Variants in STAB2 observed in about 807,000 individuals in gnomAD.
The protein encoded by STAB2 is stabilin-2.
A neutral mutation model predicts 338.1 loss-of-function variants in STAB2; 288 were observed. The observed-to-expected ratio is 0.85, with a 90% CI of 0.77 to 0.94. The LOEUF (loss-of-function observed/expected upper bound fraction) is 0.94, where lower values mean the gene tolerates loss of function less well. STAB2 is among the 40% of genes least tolerant of loss of function. STAB2 has a pLI of 0.00. For missense variants in STAB2, 3,141 were observed against 3,210.1 expected (o/e 0.98, Z 0.52); for synonymous variants, 1,202 against 1,193.3 (o/e 1.01, Z -0.15).
Position 103,668,741 on chromosome 12 carries a change from G to C in STAB2, c.2172+12G>C. 1 of 1,535,476 alleles carries C rather than the reference G, an allele frequency of 6.5e-7. No individual in the cohort carries two copies. Among genetic ancestry groups the C allele is most frequent in the East Asian group, 2.5e-5 (1 of 40,468 alleles). On this transcript the variant is annotated intron_variant, in intron 20 of 68. Transcript: ENST00000388887. ...ATGCCACTGTGAAGGTGAGGAGCGC[G>C]TGGCCGAGGCCCAGTCTAGGCCAGT...
chr12:103,744,085 G>A (rs1479301205), intron 56 of STAB2, among the ~76,000 whole-genome samples: 1 of 152,130 alleles, frequency 6.6e-6, no homozygotes, highest in East Asian at 1.9e-4. Flanking sequence ...ATGGTGACTT[G>A]CACTAGTACG....
intron 9 of STAB2, among the ~76,000 whole-genome samples, chr12:103,641,846 A>T (rs559760141): frequency 6.6e-6 from 1 of 152,328 alleles, no homozygotes; most frequent in East Asian, 1.9e-4. Context: ...CTTCAGCCAA[A>T]AAAAGGCCTA....
chr12:103,766,393 A>G lies in STAB2; in HGVS notation c.*57A>G, dbSNP rs1383372859. ...ACTGCCACCTGGGCCATCAACTGTGAATTCTCAGCACCAGTTGCCTTTTAG... is the reference window on the plus strand; with the variant it reads ...ACTGCCACCTGGGCCATCAACTGTGGATTCTCAGCACCAGTTGCCTTTTAG... On this transcript the variant is annotated 3_prime_UTR_variant, in exon 69 of 69. Coordinates refer to ENST00000388887, the MANE Select transcript of STAB2 (RefSeq NM_017564.10). 1.9e-6 allele frequency: 3 copies of G among 1,556,324 alleles called. No homozygotes were observed. Among genetic ancestry groups the G allele is most frequent in the Non-Finnish European group, 2.6e-6 (3 of 1,148,382 alleles).
At chr12:103,748,097 T>C (rs559723942) in intron 58 of STAB2, among the ~76,000 whole-genome samples, 3 of 152,270 alleles carry the variant, frequency 2.0e-5, no homozygotes, top group East Asian at 1.9e-4. Context: ...ATATTTTTCA[T>C]GGATAAATAT....
At chr12:103,690,128 G>T in intron 29 of STAB2, 146 bp downstream of exon 29, 1 of 1,202,656 alleles carries the variant, frequency 8.3e-7, no homozygotes, top group Non-Finnish European at 1.1e-6. Context: ...CCCACCCCAG[G>T]ATAGTAATAG....
chr12:103,707,663 G>GT (rs1593263944), intron 38 of STAB2, among the ~76,000 whole-genome samples: 1 of 152,212 alleles, frequency 6.6e-6, no homozygotes, highest in East Asian at 1.9e-4. Context: ...ACACACAGCT[G>GT]TGAGAGTGTT....
At chr12:103,694,002 A>C (rs928713630) in intron 31 of STAB2, among the ~76,000 whole-genome samples, 1 of 151,894 alleles carries the variant, frequency 6.6e-6, no homozygotes, top group Non-Finnish European at 1.5e-5. Context: ...AAAAAAAAAA[A>C]AGTACAAGAT....
intron 12 of STAB2, among the ~76,000 whole-genome samples, chr12:103,653,259 T>C (rs1014434268): frequency 4.6e-5 from 7 of 152,132 alleles, no homozygotes; most frequent in African/African-American, 1.7e-4. Flanking sequence ...TGCATGTATA[T>C]AGGCATAGGA....
intron 61 of STAB2, among the ~76,000 whole-genome samples, chr12:103,754,129 A>G (rs1372014018): frequency 6.6e-6 from 1 of 151,766 alleles, no homozygotes; most frequent in African/African-American, 2.4e-5. Context: ...ACAAATCTCT[A>G]CTTTTTCAGA....
chr12:103,718,927 C>A (rs1880540813), intron 44 of STAB2, among the ~76,000 whole-genome samples: 1 of 152,186 alleles, frequency 6.6e-6, no homozygotes, highest in South Asian at 2.1e-4. Context: ...CTTTCTTCCT[C>A]CAGTCTGTAG....
At chr12:103,669,154 G>A (rs1338844914) in intron 20 of STAB2, 1 of 259,110 alleles carries the variant, frequency 3.9e-6, no homozygotes, top group African/African-American at 2.2e-5. Context: ...GTACCCACCT[G>A]ACTTCTGGCC....
intron 20 of STAB2, 78 bp from the exon 21 acceptor site, chr12:103,669,463 G>A (rs956568646): frequency 1.7e-5 from 22 of 1,276,274 alleles, no homozygotes; most frequent in Non-Finnish European, 2.5e-5. Context: ...TATAATAATG[G>A]AAATTAAAAT....
chr12:103,692,174 C>T (rs536134460), intron 30 of STAB2, among the ~76,000 whole-genome samples: 1 of 152,302 alleles, frequency 6.6e-6, no homozygotes, highest in Admixed American at 6.5e-5. Flanking sequence ...TCTTTGGCCT[C>T]TCTCCTTGGG....
chr12:103,731,663 A>G, intron 50 of STAB2, 28 bp downstream of exon 50: 1 of 1,599,018 alleles, frequency 6.3e-7, no homozygotes. Flanking sequence ...GTTGACTCAG[A>G]GGATAACCTG....
intron 42 of STAB2, among the ~76,000 whole-genome samples, chr12:103,715,302 TAC>T (rs560643905): frequency 9.2e-5 from 14 of 151,728 alleles, no homozygotes; most frequent in African/African-American, 2.9e-4. Context: ...GTTTCCATTA[TAC>T]AGTTATTTTT....
chr12:103,728,030 A>G (rs190378885), intron 47 of STAB2, among the ~76,000 whole-genome samples: 2 of 152,344 alleles, frequency 1.3e-5, no homozygotes, highest in East Asian at 3.9e-4. Context: ...AGCAAAGCAG[A>G]GGCACAAAAA....
chr12:103,760,877 C>T (rs913727750), intron 65 of STAB2, among the ~76,000 whole-genome samples: 3 of 152,200 alleles, frequency 2.0e-5, no homozygotes, highest in African/African-American at 7.2e-5. Context: ...GGAGAAGGCA[C>T]AGGGCCTCAG....
intron 2 of STAB2, among the ~76,000 whole-genome samples, chr12:103,593,591 C>T (rs1253828440): frequency 6.6e-6 from 1 of 152,232 alleles, no homozygotes; most frequent in Non-Finnish European, 1.5e-5. Flanking sequence ...CTATCCCCAA[C>T]TTGACTGTTC....
intron 26 of STAB2, 32 bp downstream of exon 26, chr12:103,683,332 A>G: frequency 3.0e-6 from 1 of 330,402 alleles, no homozygotes; most frequent in Non-Finnish European, 4.2e-6. Context: ...TTCATTACTT[A>G]AAAAAAAAAA....
Sources: gnomAD v4.1 joint callset for allele counts (sites outside exome capture counted in the v4.1 genomes callset) on GRCh38, gnomAD v4.1.1 for gene constraint, MANE v1.5 for transcripts, NCBI Gene and HGNC (gene_info 2026-07-23, HGNC 2026-07-21) for gene names.